Variants in C12orf42 observed in about 807,000 individuals in gnomAD.
The protein encoded by C12orf42 is chromosome 12 open reading frame 42, also known as uncharacterized protein C12orf42.
In C12orf42, 25 loss-of-function variants were observed where a neutral mutation model predicts 21.6. That is an observed-to-expected ratio of 1.16 (90% CI 0.84 to 1.62). The LOEUF (loss-of-function observed/expected upper bound fraction) is 1.62, where lower values mean the gene tolerates loss of function less well. Ranked by LOEUF, C12orf42 falls within the 40% of genes most tolerant of loss-of-function variation. The pLI, the probability that C12orf42 is intolerant of heterozygous loss-of-function variation, is 0.00. For synonymous variants in C12orf42, 174 were observed against 175.0 expected (o/e 0.99, Z 0.05); for missense variants, 483 against 459.3 (o/e 1.05, Z -0.47).
At chr12:103,284,724 T>C (rs1254818493) in intron 4 of C12orf42, among the ~76,000 whole-genome samples, 1 of 152,202 alleles carries the variant, frequency 6.6e-6, no homozygotes, top group African/African-American at 2.4e-5. Context: ...ACTTCAGAGA[T>C]ACCTGGAAGG....
the C12orf42 span, among the ~76,000 whole-genome samples, chr12:103,173,735 C>A: frequency 6.6e-6 from 1 of 152,100 alleles, no homozygotes; most frequent in Non-Finnish European, 1.5e-5. Flanking sequence ...TGTGCTTGAT[C>A]CTCACTTCTT....
intron 3 of C12orf42, among the ~76,000 whole-genome samples, chr12:103,374,758 T>A (rs960473817): frequency 4.6e-5 from 7 of 152,154 alleles, no homozygotes; most frequent in African/African-American, 7.2e-5. Context: ...CTGGGCTGCA[T>A]GTGGCCCATG....
chr12:103,283,308 A>G (rs2036245334), intron 4 of C12orf42, among the ~76,000 whole-genome samples: 1 of 152,134 alleles, frequency 6.6e-6, no homozygotes, highest in South Asian at 2.1e-4. Flanking sequence ...TCTTGGTCCA[A>G]GTTGCCATTA....
At chr12:103,064,635 G>A in the C12orf42 span, among the ~76,000 whole-genome samples, 28 of 152,340 alleles carry the variant, frequency 1.8e-4, no homozygotes, top group African/African-American at 4.3e-4. Flanking sequence ...AGGGGAGGCC[G>A]GGTCCCCTTG....
chr12:103,311,243 T>C (rs1209725426), intron 4 of C12orf42, among the ~76,000 whole-genome samples: 3 of 152,062 alleles, frequency 2.0e-5, no homozygotes, highest in African/African-American at 7.2e-5. Flanking sequence ...AGGGAATAAT[T>C]AATAAGCCAC....
At chr12:103,073,074 A>G in the C12orf42 span, among the ~76,000 whole-genome samples, 12 of 152,180 alleles carry the variant, frequency 7.9e-5, no homozygotes, top group African/African-American at 2.9e-4. Flanking sequence ...AAGCTAATAC[A>G]GGAACAGAAA....
downstream of C12orf42, among the ~76,000 whole-genome samples, chr12:103,236,876 G>A (rs545910296): frequency 4.4e-4 from 67 of 152,192 alleles, no homozygotes; most frequent in Middle Eastern, 6.8e-3. Flanking sequence ...TCAATCTTTC[G>A]TTAAATCTAT....
At chr12:103,249,694 G>C (rs1415462221) in intron 10 of C12orf42, among the ~76,000 whole-genome samples, 2 of 152,086 alleles carry the variant, frequency 1.3e-5, no homozygotes, top group Non-Finnish European at 2.9e-5. Flanking sequence ...TTTCAGTACA[G>C]CACATATTAA....
In C12orf42 at chr12:103,273,867, C is replaced by T. The variant is rs1414739597; in HGVS notation, n.398+3283G>A. On this transcript the variant is annotated intron_variant and non_coding_transcript_variant, in intron 5 of 6. Transcript: ENST00000546526. The stretch of plus-strand genomic sequence containing the variant: ...CTGATGCACTCACAGCAGGTCTCCT[C>T]ATAGTGGCTATTTTACCTAGAAAGC... The T allele has an allele frequency of 6.6e-6, 3 of 456,190 alleles. No homozygotes were observed. In the East Asian group the frequency reaches 2.1e-4, roughly 32 times the overall value. The allele number at this position is 456,190 out of a possible 1,614,324, so 28.3% of individuals were successfully genotyped here. A position where few individuals can be genotyped will look rare whatever the true frequency, so the allele number is the denominator to read the frequency against.
At chr12:103,396,065 T>C (rs1593798860) in intron 3 of C12orf42, among the ~76,000 whole-genome samples, 2 of 149,586 alleles carry the variant, frequency 1.3e-5, no homozygotes, top group Admixed American at 6.7e-5. Context: ...ATATCAACTA[T>C]TATGTTATAA....
chr12:103,478,480 T>A, intron 1 of C12orf42, 33 bp from the exon 2 acceptor site: 1 of 1,068,490 alleles, frequency 9.4e-7, no homozygotes, highest in Non-Finnish European at 1.4e-6. Flanking sequence ...GAAGAGCAGG[T>A]TTACAATGAT....
the C12orf42 span, among the ~76,000 whole-genome samples, chr12:103,547,020 C>A: frequency 6.6e-6 from 1 of 152,222 alleles, no homozygotes; most frequent in East Asian, 1.9e-4. Context: ...AACACTCAGA[C>A]TTAACCACTT....
At chr12:103,232,228 CA>C in the C12orf42 span, among the ~76,000 whole-genome samples, 1 of 152,124 alleles carries the variant, frequency 6.6e-6, no homozygotes, top group African/African-American at 2.4e-5. Flanking sequence ...ATGCATTTAG[CA>C]AATATTTTCT....
intron 10 of C12orf42, among the ~76,000 whole-genome samples, chr12:103,244,826 C>T (rs140303594): frequency 7.2e-5 from 11 of 152,138 alleles, no homozygotes; most frequent in Non-Finnish European, 1.3e-4. Flanking sequence ...TCCAGTGTGC[C>T]ATGGACACAC....
rs565711762 is a variant in C12orf42, at chr12:103,493,681, ACT to A, written c.-22+2219_-22+2220del. 3.2e-3 allele frequency among the ~76,000 whole-genome samples: 490 copies of A among 150,972 alleles called. 3 individuals are homozygous for A. The highest frequency in any genetic ancestry group is 0.011 in the African/African-American group (442 of 41,012). On this transcript the variant is annotated intron_variant, in intron 1 of 5. Coordinates refer to ENST00000548883, the MANE Select transcript of C12orf42 (RefSeq NM_198521.5). ...TCTTTAAATTATTGGTGGAGGGGAA[ACT>A]ACAAAGAACACGAAAAAAGCAAAAG...
the C12orf42 span, among the ~76,000 whole-genome samples, chr12:103,527,030 A>G: frequency 1.3e-5 from 2 of 152,024 alleles, no homozygotes; most frequent in Non-Finnish European, 2.9e-5. Context: ...CTTCTTTCTT[A>G]CTCAGAGAAC....
the C12orf42 span, among the ~76,000 whole-genome samples, chr12:103,210,140 T>C: frequency 3.9e-5 from 6 of 152,188 alleles, no homozygotes; most frequent in African/African-American, 1.4e-4. Context: ...TTTTCCACTT[T>C]TATGTTCCTC....
chr12:103,385,914 T>A (rs1338389332), intron 3 of C12orf42, among the ~76,000 whole-genome samples: 1 of 152,158 alleles, frequency 6.6e-6, no homozygotes, highest in Admixed American at 6.5e-5. Flanking sequence ...CCAGAAAGAC[T>A]ATAGCATGCT....
chr12:103,130,587 G>A, the C12orf42 span, among the ~76,000 whole-genome samples: 3 of 152,104 alleles, frequency 2.0e-5, no homozygotes, highest in Non-Finnish European at 4.4e-5. Context: ...CATTCATTAG[G>A]GAGTAGGTTG....
Sources: allele counts gnomAD v4.1 joint callset (sites outside exome capture counted in the v4.1 genomes callset), GRCh38; gene constraint gnomAD v4.1.1; transcripts MANE v1.5; gene names NCBI Gene and HGNC (gene_info 2026-07-23, HGNC 2026-07-21).